ASTN2: variants seen among roughly 807,000 people sequenced by gnomAD.
ASTN2 encodes astrotactin 2, also known as astrotactin-2.
ASTN2 carries 54 observed loss-of-function variants against 139.8 expected under a neutral mutation model. That is an observed-to-expected ratio of 0.39 (90% CI 0.31 to 0.48). ASTN2 has a LOEUF of 0.48. ASTN2 is among the 20% of genes least tolerant of loss of function. ASTN2 has a pLI of 0.95. For synonymous variants in ASTN2, 756 were observed against 719.5 expected (o/e 1.05, Z -0.81); for missense variants, 1,565 against 1,725.1 (o/e 0.91, Z 1.64).
intron 1 of ASTN2, among the ~76,000 whole-genome samples, chr9:117,301,836 A>G (rs1433548835): frequency 2.0e-5 from 3 of 152,162 alleles, no homozygotes; most frequent in Non-Finnish European, 2.9e-5. Context: ...GCTCCTTCCT[A>G]TATTTCACTG....
At chr9:116,556,103 C>A (rs58577541) in intron 19 of ASTN2, among the ~76,000 whole-genome samples, 24,160 of 152,160 alleles carry the variant, frequency 0.16, 2,090 homozygotes, top group African/African-American at 0.21. Flanking sequence ...ACTGTCCCTG[C>A]CCTCCACGTA....
At chr9:116,854,930 G>T (rs1832700035) in intron 11 of ASTN2, among the ~76,000 whole-genome samples, 1 of 151,900 alleles carries the variant, frequency 6.6e-6, no homozygotes, top group African/African-American at 2.4e-5. Flanking sequence ...AGGATTACAG[G>T]TTTGAGCCAC....
chr9:116,507,508 C>T (rs966634608), intron 19 of ASTN2, among the ~76,000 whole-genome samples: 4 of 152,154 alleles, frequency 2.6e-5, no homozygotes, highest in African/African-American at 7.2e-5. Flanking sequence ...AGTTGGTGGG[C>T]AGCCTGTTTG....
chr9:117,147,331 G>C (rs1045721495), intron 3 of ASTN2, among the ~76,000 whole-genome samples: 1 of 152,076 alleles, frequency 6.6e-6, no homozygotes, highest in African/African-American at 2.4e-5. Flanking sequence ...CAGATATTCA[G>C]GTAGCTGAGG....
intron 5 of ASTN2, among the ~76,000 whole-genome samples, chr9:117,075,847 A>G (rs748352016): frequency 1.3e-5 from 2 of 152,288 alleles, no homozygotes; most frequent in East Asian, 1.9e-4. Context: ...CAGTTTTCTC[A>G]TCCATCAAGT....
intron 13 of ASTN2, among the ~76,000 whole-genome samples, chr9:116,792,755 C>T (rs917014544): frequency 6.6e-6 from 1 of 152,122 alleles, no homozygotes; most frequent in Non-Finnish European, 1.5e-5. Context: ...ATCTCTAGTG[C>T]CATTGGCCTT....
intron 10 of ASTN2, among the ~76,000 whole-genome samples, chr9:116,937,464 C>T (rs1277248192): frequency 2.6e-5 from 4 of 152,208 alleles, no homozygotes; most frequent in Non-Finnish European, 5.9e-5. Flanking sequence ...TCACATCTGC[C>T]TATTCTCTAA....
rs186935565 is a variant in ASTN2, at chr9:116,531,398, G to C, written c.3356-43898C>G. On this transcript the variant is annotated intron_variant, in intron 19 of 22. Transcript: ENST00000313400. ...TTTTTTTATTATACTTTAAGTTCTA[G>C]GGTACATATGCACAACGTGCAGGTT... 3.5e-3 allele frequency among the ~76,000 whole-genome samples: 538 copies of C among 152,270 alleles called. 1 individual carries two copies. Among genetic ancestry groups the C allele is most frequent in the Non-Finnish European group, 5.4e-3 (368 of 68,028 alleles).
chr9:117,075,947 G>C (rs544201159), intron 5 of ASTN2, among the ~76,000 whole-genome samples: 5 of 152,262 alleles, frequency 3.3e-5, no homozygotes, highest in Admixed American at 3.3e-4. Context: ...GTCTCCTGAA[G>C]AGACCTTCAG....
chr9:117,147,461 ACACC>A (rs1554783173), intron 3 of ASTN2, among the ~76,000 whole-genome samples: 1,756 of 151,154 alleles, frequency 0.012, 38 homozygotes, highest in African/African-American at 0.04. Flanking sequence ...ACACACACAC[ACACC>A]CCCGTTATCC....
intron 6 of ASTN2, among the ~76,000 whole-genome samples, chr9:117,017,100 T>C (rs1461090615): frequency 6.6e-6 from 1 of 151,870 alleles, no homozygotes; most frequent in African/African-American, 2.4e-5. Context: ...AAGTATCTTT[T>C]CCCCCAAGAA....
intron 10 of ASTN2, among the ~76,000 whole-genome samples, chr9:116,879,949 T>C (rs1016932813): frequency 6.6e-6 from 1 of 152,192 alleles, no homozygotes; most frequent in Non-Finnish European, 1.5e-5. Flanking sequence ...TGAAAAGGCA[T>C]TCTAAAATAA....
intron 19 of ASTN2, among the ~76,000 whole-genome samples, chr9:116,608,138 T>A (rs1353885098): frequency 6.6e-6 from 1 of 152,148 alleles, no homozygotes; most frequent in Non-Finnish European, 1.5e-5. Flanking sequence ...ATTCCCTGAA[T>A]TGCCCAGACA....
chr9:116,736,731 T>C (rs1243921638), intron 13 of ASTN2, among the ~76,000 whole-genome samples: 1 of 152,210 alleles, frequency 6.6e-6, no homozygotes. Flanking sequence ...ATTTGGGAAA[T>C]GAAATCTGAA....
At chr9:116,872,095 C>G (rs1833182046) in intron 10 of ASTN2, among the ~76,000 whole-genome samples, 1 of 152,152 alleles carries the variant, frequency 6.6e-6, no homozygotes, top group African/African-American at 2.4e-5. Flanking sequence ...TTCCAAGTAG[C>G]TGGGACTACA....
intron 1 of ASTN2, among the ~76,000 whole-genome samples, chr9:117,330,367 G>C (rs1317937890): frequency 6.6e-6 from 1 of 152,234 alleles, no homozygotes; most frequent in East Asian, 1.9e-4. Context: ...ACAGAGCAAA[G>C]CTCTTCACCT....
chr9:116,833,589 G>C (rs566931281), intron 11 of ASTN2, among the ~76,000 whole-genome samples: 4 of 152,078 alleles, frequency 2.6e-5, no homozygotes, highest in African/African-American at 4.8e-5. Context: ...CATGACTTCA[G>C]CTGTGTCCCC....
At chr9:116,763,664 AGGTCTTTTACCTCT>A (rs1829733115) in intron 13 of ASTN2, among the ~76,000 whole-genome samples, 2 of 152,282 alleles carry the variant, frequency 1.3e-5, no homozygotes, top group South Asian at 4.1e-4. Flanking sequence ...ACATAGGGTA[AGGTCTTTTACCTCT>A]CTGAGTTTGT....
intron 19 of ASTN2, among the ~76,000 whole-genome samples, chr9:116,548,937 C>T (rs1852221279): frequency 6.6e-6 from 1 of 151,992 alleles, no homozygotes; most frequent in African/African-American, 2.4e-5. Flanking sequence ...TGCTGAGATC[C>T]CTGTAAGCTT....
Sources: gnomAD v4.1 joint callset for allele counts (sites outside exome capture counted in the v4.1 genomes callset) on GRCh38, gnomAD v4.1.1 for gene constraint, MANE v1.5 for transcripts, NCBI Gene and HGNC (gene_info 2026-07-23, HGNC 2026-07-21) for gene names.